Variants in FERRY3 observed in about 807,000 individuals in gnomAD.
FERRY3 encodes the protein FERRY endosomal RAB5 effector complex subunit 3.
chr12:4,498,765 T>G, the FERRY3 span, among the ~76,000 whole-genome samples: 39 of 152,282 alleles, frequency 2.6e-4, 1 homozygote, highest in South Asian at 7.3e-3. Context: ...CAGGGATGGT[T>G]TCAGGATGAA....
the FERRY3 span, chr12:4,488,132 T>C: frequency 1.3e-5 from 2 of 152,224 alleles, no homozygotes; most frequent in Non-Finnish European, 2.9e-5. The surrounding 1 kb of genome is among the most constrained non-coding windows in gnomAD (Gnocchi z 4.9). Flanking sequence ...AAAACGGACA[T>C]TCGATAAATT....
the FERRY3 span, chr12:4,519,031 G>A: frequency 1.0e-5 from 5 of 485,942 alleles, no homozygotes; most frequent in Non-Finnish European, 1.8e-5. This position sits in a 1 kb window ranked among gnomAD's most constrained non-coding sequence, Gnocchi z 4.3. Context: ...AGTAAGACAG[G>A]TAAGCACCAA....
chr12:4,511,021 C>G, the FERRY3 span, among the ~76,000 whole-genome samples: 1 of 149,880 alleles, frequency 6.7e-6, no homozygotes, highest in Non-Finnish European at 1.5e-5. Context: ...CACACATAGG[C>G]TCAAAATAAA....
At chr12:4,506,929 C>T in the FERRY3 span, among the ~76,000 whole-genome samples, 1 of 152,148 alleles carries the variant, frequency 6.6e-6, no homozygotes. Flanking sequence ...TCACAAAGTC[C>T]TTCTATAACA....
At chr12:4,502,505 T>C in the FERRY3 span, 2 of 415,772 alleles carry the variant, frequency 4.8e-6, no homozygotes, top group South Asian at 1.8e-5. This position sits in a 1 kb window ranked among gnomAD's most constrained non-coding sequence, Gnocchi z 4.2. Flanking sequence ...AGAAATAAAA[T>C]AGAAAACATA....
the FERRY3 span, among the ~76,000 whole-genome samples, chr12:4,490,185 G>T: frequency 6.6e-6 from 1 of 152,136 alleles, no homozygotes; most frequent in South Asian, 2.1e-4. Context: ...CACTAATTTT[G>T]CTAAGTTCTT....
At chr12:4,495,014 A>G in the FERRY3 span, among the ~76,000 whole-genome samples, 4 of 152,164 alleles carry the variant, frequency 2.6e-5, no homozygotes, top group South Asian at 2.1e-4. Context: ...TAGTTGCCAG[A>G]TCACTTTTCA....
chr12:4,499,812 G>C, the FERRY3 span, among the ~76,000 whole-genome samples: 2,925 of 152,236 alleles, frequency 0.019, 98 homozygotes, highest in African/African-American at 0.066. Context: ...GTAAGAAGAG[G>C]GGGTAGGGGA....
the FERRY3 span, among the ~76,000 whole-genome samples, chr12:4,530,478 A>G: frequency 6.6e-6 from 1 of 152,224 alleles, no homozygotes; most frequent in Non-Finnish European, 1.5e-5. Flanking sequence ...AATAACTTGC[A>G]TGCATTAGTT....
the FERRY3 span, chr12:4,536,133 A>G: frequency 6.2e-7 from 1 of 1,604,906 alleles, no homozygotes; most frequent in East Asian, 2.3e-5. Flanking sequence ...CTGACTTCCT[A>G]CTTTAAATTT....
chr12:4,516,882 C>T, the FERRY3 span, among the ~76,000 whole-genome samples: 101 of 151,994 alleles, frequency 6.6e-4, no homozygotes, highest in Non-Finnish European at 1.2e-3. Flanking sequence ...AAAAAAAACC[C>T]CAAAAAACCA....
the FERRY3 span, among the ~76,000 whole-genome samples, chr12:4,514,967 T>C: frequency 6.6e-6 from 1 of 151,838 alleles, no homozygotes; most frequent in South Asian, 2.1e-4. Context: ...AAGAAACCAA[T>C]ATACTTAATG....
At chr12:4,533,127 C>T in the FERRY3 span, among the ~76,000 whole-genome samples, 1 of 152,194 alleles carries the variant, frequency 6.6e-6, no homozygotes, top group Non-Finnish European at 1.5e-5. Flanking sequence ...TTCTCAACTT[C>T]CTGCTACCAA....
At chr12:4,524,236 T>C in the FERRY3 span, among the ~76,000 whole-genome samples, 107 of 152,294 alleles carry the variant, frequency 7.0e-4, no homozygotes, top group African/African-American at 2.5e-3. Context: ...TCACATATGA[T>C]GCACCCTGAT....
At chr12:4,527,300 T>C in the FERRY3 span, among the ~76,000 whole-genome samples, 1 of 152,100 alleles carries the variant, frequency 6.6e-6, no homozygotes, top group Non-Finnish European at 1.5e-5. Context: ...ATTTATTTCA[T>C]CCTAAATATG....
the FERRY3 span, chr12:4,534,294 C>A: frequency 6.2e-7 from 1 of 1,607,908 alleles, no homozygotes; most frequent in South Asian, 1.1e-5. Context: ...GTCAGAGCTT[C>A]TTTTAAGTCT....
chr12:4,522,525 T>C, the FERRY3 span, among the ~76,000 whole-genome samples: 2 of 152,220 alleles, frequency 1.3e-5, no homozygotes, highest in African/African-American at 4.8e-5. Context: ...TGAGTGCTGA[T>C]GAAGATATGG....
the FERRY3 span, chr12:4,518,136 A>T: frequency 6.2e-7 from 1 of 1,614,132 alleles, no homozygotes; most frequent in Non-Finnish European, 8.5e-7. Flanking sequence ...GAATAAAGTG[A>T]CAGAGCTGTT....
the FERRY3 span, chr12:4,517,283 T>C: frequency 4.2e-6 from 5 of 1,198,428 alleles, no homozygotes; most frequent in Non-Finnish European, 5.5e-6. Flanking sequence ...AAGAAAATAA[T>C]ACTTATTTTT....
Sources: allele counts gnomAD v4.1 joint callset (sites outside exome capture counted in the v4.1 genomes callset), GRCh38; gene constraint gnomAD v4.1.1; non-coding constraint Gnocchi (gnomAD v3.1); transcripts MANE v1.5; gene names NCBI Gene and HGNC (gene_info 2026-07-23, HGNC 2026-07-21).